STK39: variants seen among roughly 807,000 people sequenced by gnomAD.
STK39 encodes STE20/SPS1-related proline-alanine-rich protein kinase.
In STK39, 20 loss-of-function variants were observed where a neutral mutation model predicts 77.8. The observed-to-expected ratio is 0.26, with a 90% confidence interval of 0.18 to 0.37. The LOEUF is 0.37. STK39 is among the 10% of genes least tolerant of loss of function. The pLI, the probability that STK39 is intolerant of heterozygous loss-of-function variation, is 1.00. For synonymous variants in STK39, 246 were observed against 234.1 expected (o/e 1.05, Z -0.47); for missense variants, 479 against 656.5 (o/e 0.73, Z 2.95).
chr2:168,070,290 A>G (rs545687919), intron 12 of STK39, among the ~76,000 whole-genome samples: 1 of 152,258 alleles, frequency 6.6e-6, no homozygotes, highest in African/African-American at 2.4e-5. Flanking sequence ...CAGATTAAAC[A>G]TCTGTTTAAT....
At chr2:168,247,133 G>A (rs1311037740) in intron 1 of STK39, 95 bp downstream of exon 1, 4 of 857,056 alleles carry the variant, frequency 4.7e-6, no homozygotes, top group Non-Finnish European at 5.6e-6. Flanking sequence ...TCTGCCTCCA[G>A]GGCGTGCATG....
intron 2 of STK39, among the ~76,000 whole-genome samples, chr2:168,176,132 C>T (rs1017890481): frequency 1.1e-4 from 17 of 151,966 alleles, no homozygotes; most frequent in African/African-American, 2.2e-4. Flanking sequence ...TTCGTTGATG[C>T]GATAAAGAAA....
In STK39 at chr2:168,120,249, T is replaced by A. The variant is rs79653342; in HGVS notation, c.1089+9292A>T. ...TGTTGTATGGCTGCAGTAATTGAGA[T>A]AAATGTGACGTAAGCATCTAGCAGG... On this transcript the variant is annotated intron_variant, in intron 10 of 17. Coordinates refer to ENST00000355999, the MANE Select transcript of STK39 (RefSeq NM_013233.3). 1.8e-4 allele frequency among the ~76,000 whole-genome samples: 27 copies of A among 152,386 alleles called. No homozygotes were observed. The East Asian group carries it at 4.0e-3, about 23-fold the overall frequency.
intron 16 of STK39, among the ~76,000 whole-genome samples, chr2:168,011,147 A>T (rs1217949714): frequency 6.6e-6 from 1 of 152,144 alleles, no homozygotes; most frequent in Non-Finnish European, 1.5e-5. Flanking sequence ...AAAATACAAA[A>T]ATTAGCCAGG....
At chr2:168,018,841 C>A (rs1220329564) in intron 14 of STK39, among the ~76,000 whole-genome samples, 1 of 152,020 alleles carries the variant, frequency 6.6e-6, no homozygotes, top group Non-Finnish European at 1.5e-5. Context: ...TATGTCCTAC[C>A]ACATCCAACC....
Position 168,247,444 on chromosome 2 carries a change from G to C in STK39, c.-9C>G. 2 of 1,299,168 alleles carry C rather than the reference G, an allele frequency of 1.5e-6. No homozygotes were observed. Among genetic ancestry groups the C allele is most frequent in the Non-Finnish European group, 2.0e-6 (2 of 1,011,102 alleles). The allele number at this position is 1,299,168 out of a possible 1,614,324, so 80.5% of individuals were successfully genotyped here. ...CCGCTCGGCTCCGCCATGATGCTGC[G>C]GAGGAGAGCAGGAGGACGCGCCGGC... On this transcript the variant is annotated 5_prime_UTR_variant, in exon 1 of 18. Coordinates refer to ENST00000355999, the MANE Select transcript of STK39 (RefSeq NM_013233.3).
chr2:168,064,704 A>G (rs1182800314), intron 13 of STK39, among the ~76,000 whole-genome samples: 1 of 152,224 alleles, frequency 6.6e-6, no homozygotes, highest in African/African-American at 2.4e-5. Context: ...TAGTACAACC[A>G]CTTTGAGAAC....
At chr2:168,058,019 T>TA (rs1218779247) in intron 14 of STK39, among the ~76,000 whole-genome samples, 5 of 152,064 alleles carry the variant, frequency 3.3e-5, no homozygotes, top group Admixed American at 6.5e-5. Context: ...ATGCTTTTTT[T>TA]AAAAAAAATC....
rs754988290 is a variant in STK39, at chr2:168,140,776, A to AG, written c.629-19_629-18insC. 2.6e-6 allele frequency: 4 copies of AG among 1,557,662 alleles called. No individual in the cohort carries two copies. Among genetic ancestry groups the AG allele is most frequent in the African/African-American group, 1.4e-5 (1 of 72,582 alleles). On this transcript the variant is annotated intron_variant, in intron 5 of 17. Coordinates refer to ENST00000355999, the MANE Select transcript of STK39 (RefSeq NM_013233.3). ...CCCAAAATCTGAAAGGGAAAAAAAA[A>AG]TCACCTTTATTTTATGTAAGACATT...
At chr2:168,044,819 A>G (rs1439212524) in intron 14 of STK39, among the ~76,000 whole-genome samples, 3 of 152,194 alleles carry the variant, frequency 2.0e-5, no homozygotes, top group Non-Finnish European at 2.9e-5. Flanking sequence ...GGGAAAGGAG[A>G]CCAAGAATGT....
intron 16 of STK39, among the ~76,000 whole-genome samples, chr2:167,965,703 T>A (rs142978764): frequency 4.6e-5 from 7 of 152,312 alleles, no homozygotes; most frequent in African/African-American, 1.2e-4. Flanking sequence ...TATTTTTTTA[T>A]GAGTAAAATT....
intron 8 of STK39, among the ~76,000 whole-genome samples, chr2:168,129,992 C>T (rs374776698): frequency 6.6e-6 from 1 of 152,140 alleles, no homozygotes; most frequent in South Asian, 2.1e-4. Context: ...GTGCTTGGGG[C>T]GTAATCAATT....
intron 14 of STK39, among the ~76,000 whole-genome samples, chr2:168,023,261 C>CTT (rs373354840): frequency 1.4e-3 from 191 of 139,896 alleles, no homozygotes; most frequent in Non-Finnish European, 2.2e-3. Context: ...TGCTGACAAA[C>CTT]TTTTTTTTTT....
At chr2:168,139,065 T>C (rs1165609931) in intron 7 of STK39, among the ~76,000 whole-genome samples, 1 of 152,164 alleles carries the variant, frequency 6.6e-6, no homozygotes, top group Non-Finnish European at 1.5e-5. Flanking sequence ...TGTGAATAGA[T>C]GAAGCGTGAA....
chr2:168,015,334 T>C (rs377679978), intron 15 of STK39, among the ~76,000 whole-genome samples: 1 of 152,224 alleles, frequency 6.6e-6, no homozygotes, highest in Non-Finnish European at 1.5e-5. Context: ...GCATAATGCA[T>C]GTGAACTGCA....
chr2:168,123,786 T>C (rs1432809411), intron 10 of STK39, among the ~76,000 whole-genome samples: 1 of 151,576 alleles, frequency 6.6e-6, no homozygotes, highest in East Asian at 1.9e-4. Flanking sequence ...GGAGAATCGC[T>C]TGAACCTGGG....
chr2:167,996,192 C>A (rs1342547826), intron 16 of STK39, among the ~76,000 whole-genome samples: 1 of 152,204 alleles, frequency 6.6e-6, no homozygotes, highest in African/African-American at 2.4e-5. Flanking sequence ...TTTAAATTTA[C>A]TATCCACTCT....
At chr2:168,023,971 T>G (rs1388736868) in intron 14 of STK39, among the ~76,000 whole-genome samples, 1 of 152,182 alleles carries the variant, frequency 6.6e-6, no homozygotes, top group Non-Finnish European at 1.5e-5. Context: ...AAGGTGCAGC[T>G]GTTAGTGTCC....
chr2:168,103,491 A>C (rs1439144495), intron 10 of STK39, among the ~76,000 whole-genome samples: 6 of 152,222 alleles, frequency 3.9e-5, no homozygotes, highest in African/African-American at 1.4e-4. Context: ...TTTGTACCTT[A>C]GTAGGAGGGA....
Sources: allele counts gnomAD v4.1 joint callset (sites outside exome capture counted in the v4.1 genomes callset), GRCh38; gene constraint gnomAD v4.1.1; transcripts MANE v1.5; gene names NCBI Gene and HGNC (gene_info 2026-07-23, HGNC 2026-07-21).